The following POU2F3 variants were observed in gnomAD, a reference collection of about 807,000 sequenced individuals.
POU2F3 encodes the protein POU domain, class 2, transcription factor 3.
In POU2F3, 23 loss-of-function variants were observed where a neutral mutation model predicts 59.2. The observed-to-expected ratio is 0.39, with a 90% CI of 0.28 to 0.55. POU2F3 has a LOEUF of 0.55. POU2F3 is among the 20% of genes least tolerant of loss of function. POU2F3 has a pLI of 0.66. For synonymous variants in POU2F3, 190 were observed against 214.6 expected, an observed-to-expected ratio of 0.89 and a Z score of 1.00; for missense variants, 473 against 544.5, an observed-to-expected ratio of 0.87 and a Z score of 1.31.
At chr11:120,299,272 A>G (rs1238411117) in intron 4 of POU2F3, among the ~76,000 whole-genome samples, 1 of 152,204 alleles carries the variant, frequency 6.6e-6, no homozygotes, top group Admixed American at 6.5e-5. Context: ...ATTGCATGTT[A>G]TCTCTAGGAT....
intron 6 of POU2F3, chr11:120,303,083 G>T (rs1448994847): frequency 6.6e-6 from 1 of 152,268 alleles, no homozygotes; most frequent in Non-Finnish European, 1.5e-5. Context: ...CTGCACAGAT[G>T]GTTGGGCAGA....
intron 2 of POU2F3, among the ~76,000 whole-genome samples, chr11:120,258,414 T>C (rs992086599): frequency 6.6e-6 from 1 of 152,204 alleles, no homozygotes; most frequent in South Asian, 2.1e-4. Flanking sequence ...AGAGATTTTG[T>C]CCCTGAGTTG....
intron 3 of POU2F3, among the ~76,000 whole-genome samples, chr11:120,274,933 A>C (rs1421706804): frequency 6.6e-6 from 1 of 152,214 alleles, no homozygotes; most frequent in African/African-American, 2.4e-5. Context: ...AACCAACAGC[A>C]TCAGAGCATA....
At chr11:120,273,712 G>A (rs1181521540) in intron 3 of POU2F3, among the ~76,000 whole-genome samples, 2 of 152,146 alleles carry the variant, frequency 1.3e-5, no homozygotes, top group African/African-American at 4.8e-5. Context: ...GATACAGACA[G>A]AGCATGAAAG....
intron 2 of POU2F3, among the ~76,000 whole-genome samples, chr11:120,265,173 G>A (rs1350892624): frequency 1.3e-5 from 2 of 152,202 alleles, no homozygotes; most frequent in Non-Finnish European, 2.9e-5. Context: ...AATGAGGGCT[G>A]CGGTGGTTCC....
chr11:120,241,898 G>A (rs1452942567), intron 1 of POU2F3, among the ~76,000 whole-genome samples: 1 of 152,112 alleles, frequency 6.6e-6, no homozygotes, highest in African/African-American at 2.4e-5. Context: ...ATGAGGTTGA[G>A]GCATAGGGCT....
chr11:120,278,831 G>A (rs562015217), intron 3 of POU2F3, among the ~76,000 whole-genome samples: 3 of 152,266 alleles, frequency 2.0e-5, no homozygotes, highest in East Asian at 3.9e-4. Context: ...GTTGATGGGT[G>A]CAGCAAACCA....
chr11:120,277,504 G>A (rs552607163), intron 3 of POU2F3, among the ~76,000 whole-genome samples: 16 of 151,914 alleles, frequency 1.1e-4, no homozygotes, highest in African/African-American at 3.1e-4. Context: ...GGCCAGGTGC[G>A]GTGCCTCACG....
At chr11:120,293,701 G>A (rs939964595) in intron 3 of POU2F3, among the ~76,000 whole-genome samples, 20 of 152,260 alleles carry the variant, frequency 1.3e-4, no homozygotes, top group African/African-American at 4.1e-4. Flanking sequence ...CCCCCAGAGA[G>A]GGCCCTGTGA....
chr11:120,244,383 T>G (rs1938787455), intron 1 of POU2F3, among the ~76,000 whole-genome samples: 2 of 152,216 alleles, frequency 1.3e-5, no homozygotes, highest in South Asian at 4.1e-4. Context: ...ACTTTGTGCC[T>G]GGAACTCCTT....
intron 3 of POU2F3, among the ~76,000 whole-genome samples, chr11:120,281,918 TGAGTGTAAAGTGTCTTGG>T (rs1474277393): frequency 3.3e-5 from 5 of 152,332 alleles, no homozygotes; most frequent in Non-Finnish European, 5.9e-5. Flanking sequence ...CAATGAATCT[TGAGTGTAAAGTGTCTTGG>T]ACACAGTAGA....
At chr11:120,297,576 T>G (rs1250023296) in intron 3 of POU2F3, among the ~76,000 whole-genome samples, 1 of 152,086 alleles carries the variant, frequency 6.6e-6, no homozygotes, top group Non-Finnish European at 1.5e-5. Flanking sequence ...GATTTTGGGG[T>G]TTCATAGATG....
At chr11:120,302,163 G>T in intron 5 of POU2F3, 123 bp from the exon 6 acceptor site, 3 of 772,434 alleles carry the variant, frequency 3.9e-6, no homozygotes, top group Non-Finnish European at 6.5e-6. Context: ...TGAGGTGGGT[G>T]GAGGGACCTG....
intron 5 of POU2F3, chr11:120,300,778 A>T (rs1941327032): frequency 3.9e-6 from 1 of 253,302 alleles, no homozygotes; most frequent in Admixed American, 5.3e-5. Context: ...AAAAAAAAAT[A>T]ATGGAGGAAG....
intron 3 of POU2F3, among the ~76,000 whole-genome samples, chr11:120,295,514 T>C (rs1941170171): frequency 6.6e-6 from 1 of 152,240 alleles, no homozygotes; most frequent in Non-Finnish European, 1.5e-5. Flanking sequence ...CCACAAAGAC[T>C]TGGCTTAAGT....
intron 10 of POU2F3, among the ~76,000 whole-genome samples, chr11:120,314,725 G>T (rs573190652): frequency 3.9e-5 from 6 of 152,260 alleles, no homozygotes; most frequent in African/African-American, 7.2e-5. Flanking sequence ...TGAGGGGGAG[G>T]TTCCTGAATT....
At chr11:120,318,331 T>C (rs1157044402) in intron 12 of POU2F3, 22 bp from the exon 13 acceptor site, 12 of 1,590,858 alleles carry the variant, frequency 7.5e-6, no homozygotes, top group African/African-American at 4.0e-5. Flanking sequence ...AGCTTTAGGA[T>C]TGACTTCTTT....
At chr11:120,295,312 C>G (rs1358115806) in intron 3 of POU2F3, among the ~76,000 whole-genome samples, 1 of 151,908 alleles carries the variant, frequency 6.6e-6, no homozygotes, top group Non-Finnish European at 1.5e-5. Context: ...AATGAGTCTA[C>G]AGAGGAACCC....
intron 3 of POU2F3, among the ~76,000 whole-genome samples, chr11:120,288,993 A>C (rs1940927207): frequency 6.6e-6 from 1 of 152,168 alleles, no homozygotes; most frequent in Non-Finnish European, 1.5e-5. Context: ...CATTCTATAT[A>C]GACACGTGAC....
Sources: allele counts gnomAD v4.1 joint callset (sites outside exome capture counted in the v4.1 genomes callset), GRCh38; gene constraint gnomAD v4.1.1; transcripts MANE v1.5; gene names NCBI Gene and HGNC (gene_info 2026-07-23, HGNC 2026-07-21).